ANO1: variants seen among roughly 807,000 people sequenced by gnomAD.
ANO1 encodes the protein anoctamin-1.
In ANO1, 59 loss-of-function variants were observed where a neutral mutation model predicts 124.0. The ratio of observed to expected loss-of-function variants is 0.48; its 90% CI spans 0.39 to 0.59. The LOEUF (loss-of-function observed/expected upper bound fraction) is 0.59. Among genes scored for constraint, ANO1 ranks in the 20% least tolerant of loss-of-function variants. ANO1 has a pLI of 0.00. For synonymous variants in ANO1, 529 were observed against 532.0 expected (o/e 0.99, Z 0.08); for missense variants, 1,059 against 1,328.0 (o/e 0.80, Z 3.15).
chr11:70,046,306 C>T (rs1415506522), intron 1 of ANO1, among the ~76,000 whole-genome samples: 1 of 152,148 alleles, frequency 6.6e-6, no homozygotes, highest in African/African-American at 2.4e-5. Context: ...ATGGCACACA[C>T]CATAGCTGGT....
At chr11:70,113,506 C>G (rs2045868140) in intron 7 of ANO1, among the ~76,000 whole-genome samples, 1 of 152,086 alleles carries the variant, frequency 6.6e-6, no homozygotes, top group African/African-American at 2.4e-5. Flanking sequence ...TCCAGAGGAC[C>G]CAGCCGGTCT....
intron 5 of ANO1, 24 bp from the exon 6 acceptor site, chr11:70,108,329 C>T (rs759774513): frequency 1.2e-6 from 2 of 1,603,028 alleles, no homozygotes; most frequent in Non-Finnish European, 1.7e-6. Context: ...TAACTGCTCA[C>T]CCCCCTTCTT....
At chr11:69,999,085 A>G (rs1048042252) in intron 1 of ANO1, among the ~76,000 whole-genome samples, 2 of 151,844 alleles carry the variant, frequency 1.3e-5, no homozygotes, top group African/African-American at 4.8e-5. Flanking sequence ...GAGAGACCTG[A>G]GTCTGGGCAA....
At chr11:70,098,417 C>G (rs546945378) in intron 2 of ANO1, among the ~76,000 whole-genome samples, 2 of 152,208 alleles carry the variant, frequency 1.3e-5, no homozygotes, top group Non-Finnish European at 2.9e-5. Flanking sequence ...CTGCTGTGCA[C>G]GGCACACACA....
intron 11 of ANO1, among the ~76,000 whole-genome samples, chr11:70,133,576 A>C (rs1364757218): frequency 6.6e-6 from 1 of 152,084 alleles, no homozygotes; most frequent in Non-Finnish European, 1.5e-5. Context: ...CTTCATCCTT[A>C]TGGCGCCTCC....
intron 2 of ANO1, among the ~76,000 whole-genome samples, chr11:70,092,234 C>A (rs537252008): frequency 6.6e-6 from 1 of 152,314 alleles, no homozygotes; most frequent in African/African-American, 2.4e-5. Flanking sequence ...GGGGCCCACC[C>A]CTACGACTTT....
intron 1 of ANO1, among the ~76,000 whole-genome samples, chr11:70,079,829 G>A (rs909682806): frequency 6.6e-6 from 1 of 152,258 alleles, no homozygotes; most frequent in Non-Finnish European, 1.5e-5. Context: ...TCCAGCGACA[G>A]CAGGGACTCT....
intron 1 of ANO1, among the ~76,000 whole-genome samples, chr11:70,006,549 C>CTTT (rs1856487118): frequency 5.3e-5 from 8 of 150,482 alleles, no homozygotes; most frequent in Admixed American, 5.3e-4. Context: ...TTTCTTTCTT[C>CTTT]CTTTCTTTCT....
chr11:70,163,361 C>T (rs764341319), intron 19 of ANO1, 21 bp downstream of exon 19: 7 of 1,613,390 alleles, frequency 4.3e-6, no homozygotes, highest in Non-Finnish European at 5.9e-6. Flanking sequence ...TTTTATTCAT[C>T]TCTGGCAGCC....
At chr11:70,086,584 G>A (rs546611903) in intron 1 of ANO1, among the ~76,000 whole-genome samples, 5 of 152,322 alleles carry the variant, frequency 3.3e-5, no homozygotes, top group Admixed American at 1.3e-4. Context: ...AGGTGCTGCC[G>A]CAGGCCACGT....
At chr11:70,066,081 T>C (rs1857710106) in intron 1 of ANO1, among the ~76,000 whole-genome samples, 1 of 152,222 alleles carries the variant, frequency 6.6e-6, no homozygotes, top group African/African-American at 2.4e-5. Context: ...CTTGTTTGCA[T>C]TGTTTATTCC....
chr11:70,121,414 TCCC>T (rs1176594261), intron 8 of ANO1, among the ~76,000 whole-genome samples: 4 of 100,806 alleles, frequency 4.0e-5, no homozygotes, highest in Non-Finnish European at 8.2e-5. Flanking sequence ...TCTCCCTGTC[TCCC>T]CCACCTCTCT....
At position 70,165,464 on chromosome 11, in the gene ANO1, C is replaced by T. The variant is rs897955203; in HGVS notation, c.1951-6C>T. On this transcript the variant is annotated splice_region_variant and splice_polypyrimidine_tract_variant and intron_variant, in intron 19 of 25. Transcript: ENST00000355303. ...TAGCGTGGCTGATGCTGCTCTCTGT[C>T]CACAGTGTGCGCCAGGGGGCTGCCT... The T allele has an allele frequency of 6.2e-7, 1 of 1,605,002 alleles. No individual in the cohort carries two copies. The highest frequency in any genetic ancestry group is 1.3e-5 in the African/African-American group (1 of 74,696).
Position 70,188,037 on chromosome 11 carries a change from C to T in ANO1, c.*33C>T. 1.3e-6 allele frequency: 2 copies of T among 1,536,926 alleles called. No individual in the cohort carries two copies. Among genetic ancestry groups the T allele is most frequent in the Non-Finnish European group, 1.8e-6 (2 of 1,141,404 alleles). ...AGCGGGGCTGGGCAGGCCAGCCGGG[C>T]ATCCTGACCGATGGGCACCCTCTCC... On this transcript the variant is annotated 3_prime_UTR_variant, in exon 26 of 26. Coordinates refer to ENST00000355303, the MANE Select transcript of ANO1 (RefSeq NM_018043.7).
chr11:70,029,300 G>A (rs567300302), intron 1 of ANO1, among the ~76,000 whole-genome samples: 8 of 152,310 alleles, frequency 5.3e-5, no homozygotes, highest in South Asian at 2.1e-4. Flanking sequence ...CCTGCTCTGC[G>A]CAAAGATGAG....
At chr11:70,168,073 C>T (rs984886787) in intron 21 of ANO1, among the ~76,000 whole-genome samples, 2 of 152,114 alleles carry the variant, frequency 1.3e-5, no homozygotes, top group South Asian at 2.1e-4. Flanking sequence ...AGGAGGATGC[C>T]GAGAGGTGGC....
Position 70,022,724 on chromosome 11 carries a change from C to T in ANO1, c.58+36558C>T, listed in dbSNP as rs11236991. Among the ~76,000 whole-genome samples the T allele has an allele frequency of 0.019, 2,886 of 152,190 alleles. 193 individuals are homozygous for T. In the East Asian group the frequency reaches 0.22, roughly 11 times the overall value. On this transcript the variant is annotated intron_variant, in intron 1 of 27. Transcript: ENST00000531349. ...TTAGTGGGTGTGGCAAGCAGAATCA[C>T]GACCCCCAAAGATGTCTGTGTCCTG...
chr11:70,013,818 A>AGAAAAGAAAAGAAAT (rs1555001463), intron 1 of ANO1, among the ~76,000 whole-genome samples: 1 of 151,930 alleles, frequency 6.6e-6, no homozygotes, highest in East Asian at 1.9e-4. Context: ...AGAAAAGAAA[A>AGAAAAGAAAAGAAAT]GAAAAGAAAA....
At chr11:70,052,531 C>CT (rs200770702) in intron 1 of ANO1, among the ~76,000 whole-genome samples, 17 of 65,900 alleles carry the variant, frequency 2.6e-4, no homozygotes, top group African/African-American at 6.7e-4. Context: ...TTTTTCTTTT[C>CT]TTTTTTTTTT....
Sources: gnomAD v4.1 joint callset for allele counts (sites outside exome capture counted in the v4.1 genomes callset) on GRCh38, gnomAD v4.1.1 for gene constraint, MANE v1.5 for transcripts, NCBI Gene and HGNC (gene_info 2026-07-23, HGNC 2026-07-21) for gene names.